MAP3K15: variants seen among roughly 807,000 people sequenced by gnomAD.
MAP3K15 encodes mitogen-activated protein kinase kinase kinase 15.
A neutral mutation model predicts 99.5 loss-of-function variants in MAP3K15; 124 were observed. The ratio of observed to expected loss-of-function variants is 1.25; its 90% CI spans 1.08 to 1.45. The LOEUF (loss-of-function observed/expected upper bound fraction) is 1.45. Ranked by LOEUF, MAP3K15 falls within the 40% of genes most tolerant of loss-of-function variation. The pLI, the probability that MAP3K15 is intolerant of heterozygous loss-of-function variation, is 0.00. For synonymous variants in MAP3K15, 494 were observed against 439.6 expected (o/e 1.12, Z -1.55); for missense variants, 1,242 against 1,079.7 (o/e 1.15, Z -2.11).
chrX:19,494,139 C>T (rs2064385443), intron 1 of MAP3K15, among the ~76,000 whole-genome samples: 2 of 110,786 alleles, frequency 1.8e-5, no homozygotes, highest in African/African-American at 3.3e-5. Context: ...GCACACACAC[C>T]CACCCTACCT....
At chrX:19,486,451 G>T (rs1229179136) in intron 3 of MAP3K15, 31 bp downstream of exon 3, 5 of 707,354 alleles carry the variant, frequency 7.1e-6, no homozygotes, top group South Asian at 3.1e-5. Flanking sequence ...TTTAATTTCA[G>T]AATTAAAATT....
Position 19,361,394 on chromosome X carries a change from G to A in MAP3K15, c.3802C>T (p.Leu1268Phe). The change falls in exon 28 of 29, where the codon CTT becomes TTT. Residue 1268 changes from leucine to phenylalanine, a missense_variant. Physicochemically the swap from Leu to Phe is conservative, Grantham distance 22. Coordinates refer to ENST00000338883, the MANE Select transcript of MAP3K15 (RefSeq NM_001001671.4). Reference sequence around the variant, plus strand: ...GTGATCTCATTAAGAATATCCGAAAGTGTATAACCCTCTTCAACAATCTGA... The same window carrying A: ...GTGATCTCATTAAGAATATCCGAAAATGTATAACCCTCTTCAACAATCTGA... ...IEKIVEEGYT[L>F]SDILNEITKE... The A allele has an allele frequency of 1.7e-6, 2 of 1,208,582 alleles. No homozygotes were observed. Among genetic ancestry groups the A allele is most frequent in the Non-Finnish European group, 2.2e-6 (2 of 892,520 alleles).
At chrX:19,449,350 G>A (rs1286589818) in intron 6 of MAP3K15, among the ~76,000 whole-genome samples, 1 of 110,058 alleles carries the variant, frequency 9.1e-6, no homozygotes, top group East Asian at 2.8e-4. Flanking sequence ...CAGGCTGAAG[G>A]AGTTTAATTA....
intron 20 of MAP3K15, 152 bp from the exon 21 acceptor site, chrX:19,373,847 T>C (rs1181472230): frequency 1.7e-6 from 1 of 578,119 alleles, no homozygotes; most frequent in Non-Finnish European, 2.6e-6. Flanking sequence ...CCACAGGTGC[T>C]GTATTTCTAC....
chrX:19,487,146 G>A (rs936458514), intron 2 of MAP3K15, among the ~76,000 whole-genome samples: 6 of 106,913 alleles, frequency 5.6e-5, no homozygotes, highest in South Asian at 8.5e-4. Context: ...GGGGAAGGGC[G>A]GAGAAAACAC....
At chrX:19,510,894 A>C (rs1353678113) in intron 1 of MAP3K15, among the ~76,000 whole-genome samples, 1 of 112,335 alleles carries the variant, frequency 8.9e-6, no homozygotes, top group Non-Finnish European at 1.9e-5. Context: ...CCTATGCACC[A>C]ATAAAAGACA....
intron 9 of MAP3K15, among the ~76,000 whole-genome samples, chrX:19,415,531 T>G (rs768437658): frequency 1.8e-5 from 2 of 111,741 alleles, no homozygotes; most frequent in South Asian, 7.4e-4. Context: ...ATGTGGAGAT[T>G]GGAAAGCATG....
In MAP3K15 at chrX:19,409,928, T is replaced by C. The variant is rs954897401; in HGVS notation, c.1744A>G (p.Ile582Val). 1 of 1,197,649 alleles carries C rather than the reference T, an allele frequency of 8.3e-7. No individual in the cohort carries two copies. Among genetic ancestry groups the C allele is most frequent in the Non-Finnish European group, 1.1e-6 (1 of 883,137 alleles). The change falls in exon 12 of 29, where the codon ATA becomes GTA. Residue 582 changes from isoleucine to valine, a missense_variant. Physicochemically the swap from Ile to Val is conservative, Grantham distance 29 (BLOSUM62 3). Coordinates refer to ENST00000338883, the MANE Select transcript of MAP3K15 (RefSeq NM_001001671.4). ...CATTTTCTCCTATGTTCTTACCTTA[T>C]TCCCTTTATGGAAGAGGCTGTAAAA... The part of the protein sequence containing the change: ...WNFTASSIKG[I>V]SLSKFDERCC...
Position 19,392,232 on chromosome X carries a change from G to A in MAP3K15, c.2325+111C>T, listed in dbSNP as rs2063532907. On this transcript the variant is annotated intron_variant, in intron 17 of 28. Transcript: ENST00000338883. ...AACTAGACTTTGCATTTTGGGGACG[G>A]TTGTGCTAAATCATACCCCTCTGTC... 3.8e-6 allele frequency: 4 copies of A among 1,050,188 alleles called. No individual in the cohort carries two copies. The Admixed American group carries it at 9.8e-5, about 26-fold the overall frequency. 86.5% of individuals were successfully genotyped at this position (1,050,188 alleles called of 1,213,427 possible).
At chrX:19,460,878 G>A (rs1208114996) in intron 4 of MAP3K15, among the ~76,000 whole-genome samples, 2 of 109,204 alleles carry the variant, frequency 1.8e-5, no homozygotes, top group African/African-American at 3.3e-5. Context: ...TGGTTCAAGC[G>A]ATTCTCCTGC....
rs150002324 is a variant in MAP3K15, at chrX:19,411,604, G to A, written c.1699-1631C>T. ...AAAGTAGGGAAGGGCATTAAGATAG[G>A]GCAGGGGGTCACGTTGTTCAACAGG... On this transcript the variant is annotated intron_variant, in intron 11 of 28. Transcript: ENST00000338883. Among the ~76,000 whole-genome samples the A allele has an allele frequency of 1.0e-3, 114 of 110,813 alleles. 3 individuals are homozygous for A. The East Asian group carries it at 0.031, about 30-fold the overall frequency.
chrX:19,507,319 C>A (rs1262508032), intron 1 of MAP3K15, among the ~76,000 whole-genome samples: 1 of 110,599 alleles, frequency 9.0e-6, no homozygotes, highest in Non-Finnish European at 1.9e-5. Context: ...CGAAGTCACA[C>A]AGGTCTCTTT....
intron 9 of MAP3K15, among the ~76,000 whole-genome samples, chrX:19,420,507 T>C (rs1377023391): frequency 9.0e-6 from 1 of 111,505 alleles, no homozygotes; most frequent in Non-Finnish European, 1.9e-5. Context: ...AATCTCTGAA[T>C]AGACCAATAA....
intron 4 of MAP3K15, among the ~76,000 whole-genome samples, chrX:19,460,761 G>T (rs764991843): frequency 3.9e-4 from 38 of 98,092 alleles, no homozygotes; most frequent in East Asian, 1.2e-3. Flanking sequence ...TTGTTTTTTT[G>T]TTTTTTTTTT....
intron 6 of MAP3K15, among the ~76,000 whole-genome samples, chrX:19,438,625 A>G (rs975602859): frequency 8.9e-6 from 1 of 111,852 alleles, no homozygotes; most frequent in Non-Finnish European, 1.9e-5. Context: ...CTTGCCATCA[A>G]CCATCCTGTC....
At chrX:19,443,518 G>A (rs1055666104) in intron 6 of MAP3K15, among the ~76,000 whole-genome samples, 2 of 112,221 alleles carry the variant, frequency 1.8e-5, no homozygotes, top group Non-Finnish European at 3.8e-5. Context: ...AATAGCAAGC[G>A]CTATGAGAAT....
rs764129381 is a variant in MAP3K15 at position 19,380,277 on chromosome X, C to T, written c.2432G>A (p.Gly811Asp). 1 of 1,207,971 alleles carries T rather than the reference C, an allele frequency of 8.3e-7. No homozygotes were observed. The highest frequency in any genetic ancestry group is 1.1e-6 in the Non-Finnish European group (1 of 894,263). ...CTCAGGTGCCATGTACTGCAGGGTG[C>T]CTATTTGGAAAACAAACAAACAGGC... ...GVNPCTETFTGTLQYMAPEII... is the reference protein window; with the variant it reads ...GVNPCTETFTDTLQYMAPEII... Residue 811 changes from glycine (G) to aspartate (D), a missense_variant and splice_region_variant, in exon 19 of 29, where the codon GGC becomes GAC. Gly to Asp is a moderately conservative substitution (Grantham distance 94). Transcript: ENST00000338883.
At chrX:19,460,175 AT>A in intron 4 of MAP3K15, 22 bp from the exon 5 acceptor site, 4 of 1,123,496 alleles carry the variant, frequency 3.6e-6, no homozygotes, top group Non-Finnish European at 4.7e-6. Context: ...AAAACACAAA[AT>A]CCTCCAGTCA....
Position 19,413,411 on chromosome X carries a change from G to A in MAP3K15, c.1644C>T (p.Asn548=), listed in dbSNP as rs373935936. The A allele has an allele frequency of 3.3e-6, 4 of 1,207,074 alleles. No individual in the cohort carries two copies. The African/African-American group carries it at 7.0e-5, about 21-fold the overall frequency. Residue 548 remains asparagine (N), a synonymous_variant, in exon 11 of 29, where the codon AAC becomes AAT. Coordinates refer to ENST00000338883, the MANE Select transcript of MAP3K15 (RefSeq NM_001001671.4). The part of the protein sequence containing the change: ...KVYQPSYVSI[N]NEAEERTVSL... ...AAACTGTTCTCTCCTCGGCTTCATT[G>A]TTTATGGAAACATAAGAAGGCTGGT...
Sources: allele counts gnomAD v4.1 joint callset (sites outside exome capture counted in the v4.1 genomes callset), GRCh38; gene constraint gnomAD v4.1.1; transcripts MANE v1.5; gene names NCBI Gene and HGNC (gene_info 2026-07-23, HGNC 2026-07-21).